GRK5: variants seen among roughly 807,000 people sequenced by gnomAD.
GRK5 encodes the protein g protein-coupled receptor kinase GRK5.
GRK5 carries 40 observed loss-of-function variants against 78.4 expected under a neutral mutation model. The ratio of observed to expected loss-of-function variants is 0.51; its 90% CI spans 0.40 to 0.66. The LOEUF is 0.66. Ranked by LOEUF, GRK5 falls within the 30% of genes least tolerant of loss-of-function variation. The probability of loss-of-function intolerance (pLI) is 0.00; values close to 1 mark genes in which losing one functional copy is unlikely to be tolerated. For synonymous variants in GRK5, 289 were observed against 296.8 expected (o/e 0.97, Z 0.27); for missense variants, 598 against 759.9 (o/e 0.79, Z 2.50).
chr10:119,291,170 A>G (rs1040282946), intron 1 of GRK5, among the ~76,000 whole-genome samples: 4 of 151,856 alleles, frequency 2.6e-5, no homozygotes, highest in African/African-American at 7.3e-5. Flanking sequence ...CTGGTTGTAC[A>G]TTTTTCTCCA....
intron 2 of GRK5, among the ~76,000 whole-genome samples, chr10:119,348,187 T>C (rs1480181939): frequency 6.6e-6 from 1 of 152,222 alleles, no homozygotes; most frequent in East Asian, 1.9e-4. Context: ...GCCACCCACA[T>C]GCATCCCTCT....
chr10:119,288,315 T>C (rs1158966447), intron 1 of GRK5, among the ~76,000 whole-genome samples: 4 of 152,112 alleles, frequency 2.6e-5, no homozygotes, highest in African/African-American at 7.2e-5. Context: ...GAGGAGAAAG[T>C]GGAGGGGCTC....
intron 4 of GRK5, among the ~76,000 whole-genome samples, chr10:119,417,455 G>A (rs1289430895): frequency 6.6e-6 from 1 of 152,234 alleles, no homozygotes; most frequent in African/African-American, 2.4e-5. Context: ...CTGGGGGCAA[G>A]GGATTAGCCA....
intron 11 of GRK5, 46 bp from the exon 12 acceptor site, chr10:119,443,498 G>A (rs1853079286): frequency 6.5e-7 from 1 of 1,538,838 alleles, no homozygotes; most frequent in Non-Finnish European, 8.9e-7. Context: ...AGCGCCACCA[G>A]CTGTCTCCCT....
chr10:119,275,776 GA>G (rs1260070509), intron 1 of GRK5, among the ~76,000 whole-genome samples: 2 of 152,194 alleles, frequency 1.3e-5, no homozygotes. Flanking sequence ...CTCATTGGAA[GA>G]AAAATGCAGC....
At chr10:119,227,184 G>A (rs1848754435) in intron 1 of GRK5, among the ~76,000 whole-genome samples, 1 of 152,052 alleles carries the variant, frequency 6.6e-6, no homozygotes, top group Non-Finnish European at 1.5e-5. Flanking sequence ...TCATCACATA[G>A]GAATAATGCC....
chr10:119,417,699 C>T (rs941657503), intron 4 of GRK5, among the ~76,000 whole-genome samples: 14 of 152,122 alleles, frequency 9.2e-5, no homozygotes, highest in African/African-American at 3.1e-4. Context: ...ACCTACGCGG[C>T]ATGATACGGT....
At chr10:119,454,604 C>G (rs1729803527) in intron 15 of GRK5, among the ~76,000 whole-genome samples, 1 of 152,198 alleles carries the variant, frequency 6.6e-6, no homozygotes, top group Non-Finnish European at 1.5e-5. Flanking sequence ...GCGGAAGCTG[C>G]TCTTCTCCCG....
chr10:119,260,030 C>G (rs896276722), intron 1 of GRK5, among the ~76,000 whole-genome samples: 1 of 151,734 alleles, frequency 6.6e-6, no homozygotes, highest in South Asian at 2.1e-4. Flanking sequence ...GACGGAGTCT[C>G]CCTCTGTTGC....
rs11377609 is a variant in GRK5 at position 119,457,876 on chromosome 10, T to TG, written c.*2819dup. 101,691 of 142,410 alleles carry TG rather than the reference T, an allele frequency of 0.71. 36,540 individuals carry two copies. The highest frequency in any genetic ancestry group is 0.77 in the Middle Eastern group (209 of 270). The allele number at this position is 142,410 out of a possible 1,614,324, so 8.8% of individuals were successfully genotyped here. A position where few individuals can be genotyped will look rare whatever the true frequency, so the allele number is the denominator to read the frequency against. On this transcript the variant is annotated 3_prime_UTR_variant, in exon 16 of 16. Coordinates refer to ENST00000392870, the MANE Select transcript of GRK5 (RefSeq NM_005308.3). ...TAATTTTTAAAATTTTTTGTAGAGA[T>TG]GGGGGGGGGGTCTCCCCATGTTGCC...
intron 1 of GRK5, among the ~76,000 whole-genome samples, chr10:119,212,457 TAC>T (rs1848503793): frequency 6.6e-6 from 1 of 152,216 alleles, no homozygotes; most frequent in Non-Finnish European, 1.5e-5. Flanking sequence ...TGCTAAATGA[TAC>T]CCTTTGGATC....
chr10:119,262,868 G>A (rs2133658810), intron 1 of GRK5, among the ~76,000 whole-genome samples: 1 of 152,262 alleles, frequency 6.6e-6, no homozygotes, highest in South Asian at 2.1e-4. Flanking sequence ...CTGTAAATAA[G>A]GAATTTTGAT....
At chr10:119,444,996 C>T (rs1423496077) in intron 12 of GRK5, among the ~76,000 whole-genome samples, 1 of 152,214 alleles carries the variant, frequency 6.6e-6, no homozygotes, top group African/African-American at 2.4e-5. Context: ...TGCAGCCAGA[C>T]ACCTCTGCTT....
rs923154386 is a variant in GRK5 at position 119,445,160 on chromosome 10, AG to A, written c.1266+1411del. Reference sequence around the variant, plus strand: ...CCACATGGTCATCGCAGCCAGGGCTAGGGTGGGGGGACCGGAGGAGCAGTGC... The same window carrying A: ...CCACATGGTCATCGCAGCCAGGGCTAGGTGGGGGGACCGGAGGAGCAGTGC... On this transcript the variant is annotated intron_variant, in intron 12 of 15. Transcript: ENST00000392870. The surrounding 1 kb of genome is among the most constrained non-coding windows in gnomAD (Gnocchi z 4.1). Among the ~76,000 whole-genome samples the A allele has an allele frequency of 6.6e-6, 1 of 152,122 alleles. No homozygotes were observed. The highest frequency in any genetic ancestry group is 1.5e-5 in the Non-Finnish European group (1 of 68,014).
chr10:119,380,737 C>A, intron 2 of GRK5, 78 bp from the exon 3 acceptor site: 3 of 845,562 alleles, frequency 3.5e-6, no homozygotes, highest in Non-Finnish European at 4.0e-6. Context: ...GGGCTCTGAG[C>A]CCAGGTGTGG....
At chr10:119,380,065 G>A (rs1482523533) in intron 2 of GRK5, among the ~76,000 whole-genome samples, 1 of 152,116 alleles carries the variant, frequency 6.6e-6, no homozygotes, top group Non-Finnish European at 1.5e-5. Context: ...CCTAAGACTG[G>A]GCTTTTCTCC....
chr10:119,244,946 C>T (rs1421535509), intron 1 of GRK5, among the ~76,000 whole-genome samples: 2 of 152,270 alleles, frequency 1.3e-5, no homozygotes, highest in East Asian at 3.9e-4. Flanking sequence ...AGTAGGATTA[C>T]CACATGGTCC....
chr10:119,436,886 G>C, intron 9 of GRK5, 45 bp downstream of exon 9: 1 of 1,526,528 alleles, frequency 6.6e-7, no homozygotes. Flanking sequence ...GTCCGAGGGG[G>C]TGGGGCCAGC....
rs140500671 is a variant in GRK5, at chr10:119,424,936, C to T, written c.441-57C>T. ...TTCCAAAGCTGGACACAGCTTTGCCCCCCTGCTTGAAGATCGGGATTATAA... is the reference window on the plus strand; with the variant it reads ...TTCCAAAGCTGGACACAGCTTTGCCTCCCTGCTTGAAGATCGGGATTATAA... On this transcript the variant is annotated intron_variant, in intron 5 of 15. Coordinates refer to ENST00000392870, the MANE Select transcript of GRK5 (RefSeq NM_005308.3). 6.4e-4 allele frequency: 786 copies of T among 1,229,220 alleles called. 3 individuals carry two copies. In the African/African-American group the frequency reaches 0.01, roughly 16 times the overall value. The allele number at this position is 1,229,220 out of a possible 1,614,324, so 76.1% of individuals were successfully genotyped here. A position where few individuals can be genotyped will look rare whatever the true frequency, so the allele number is the denominator to read the frequency against.
Sources: gnomAD v4.1 joint callset for allele counts (sites outside exome capture counted in the v4.1 genomes callset) on GRCh38, gnomAD v4.1.1 for gene constraint, Gnocchi (gnomAD v3.1) non-coding constraint, MANE v1.5 for transcripts, NCBI Gene and HGNC (gene_info 2026-07-23, HGNC 2026-07-21) for gene names.